Variants in DPYD observed in about 807,000 individuals in gnomAD.
DPYD encodes the protein dihydropyrimidine dehydrogenase, also known as dihydropyrimidine dehydrogenase [NADP(+)].
A neutral mutation model predicts 116.2 loss-of-function variants in DPYD; 109 were observed. The observed-to-expected ratio is 0.94, with a 90% CI of 0.80 to 1.10. DPYD has a LOEUF of 1.10. Ranked by LOEUF, DPYD falls within the 50% of genes least tolerant of loss-of-function variation. The pLI is 0.00. For missense variants in DPYD, 1,302 were observed against 1,254.5 expected (o/e 1.04, Z -0.57); for synonymous variants, 440 against 432.0 (o/e 1.02, Z -0.23).
intron 18 of DPYD, among the ~76,000 whole-genome samples, chr1:97,244,147 G>T (rs574138433): frequency 2.0e-5 from 3 of 151,938 alleles, no homozygotes; most frequent in Admixed American, 2.0e-4. Flanking sequence ...CCTGTAGGTG[G>T]CCACCACAAG....
intron 7 of DPYD, 60 bp from the exon 8 acceptor site, chr1:97,679,242 A>G (rs1660311948): frequency 1.2e-6 from 1 of 866,526 alleles, no homozygotes; most frequent in East Asian, 2.7e-5. Flanking sequence ...AAATCTTAAT[A>G]TTTAACATCA....
chr1:97,730,250 C>T (rs1340506700), intron 4 of DPYD, among the ~76,000 whole-genome samples: 1 of 152,126 alleles, frequency 6.6e-6, no homozygotes, highest in African/African-American at 2.4e-5. Context: ...TAGACAGAGT[C>T]TGGCTCTGTC....
chr1:97,822,222 TTCTC>T (rs150231775), intron 3 of DPYD, among the ~76,000 whole-genome samples: 1,949 of 92,142 alleles, frequency 0.021, 49 homozygotes, highest in African/African-American at 0.06. Flanking sequence ...GCAATTTTGT[TTCTC>T]TCTCTCTCTC....
At chr1:97,673,636 T>C (rs973095277) in intron 8 of DPYD, among the ~76,000 whole-genome samples, 1 of 152,004 alleles carries the variant, frequency 6.6e-6, no homozygotes, top group African/African-American at 2.4e-5. Context: ...AACATGTAAC[T>C]AGTGAATTAT....
chr1:97,228,567 C>A (rs1238402477), intron 19 of DPYD, among the ~76,000 whole-genome samples: 1 of 152,108 alleles, frequency 6.6e-6, no homozygotes, highest in Non-Finnish European at 1.5e-5. Flanking sequence ...TGAGAAAAAT[C>A]AGAATCAAAA....
chr1:97,614,175 C>A (rs1656125651), intron 8 of DPYD, among the ~76,000 whole-genome samples: 1 of 151,688 alleles, frequency 6.6e-6, no homozygotes, highest in African/African-American at 2.4e-5. Flanking sequence ...CAAACAGAAT[C>A]CCTACAAAAA....
intron 20 of DPYD, among the ~76,000 whole-genome samples, chr1:97,157,358 C>T (rs17116506): frequency 0.19 from 29,487 of 152,090 alleles, 3,046 homozygotes; most frequent in Middle Eastern, 0.27. Flanking sequence ...ACCTTTTCTG[C>T]CCATGCACAC....
chr1:97,688,637 A>C (rs564246122), intron 7 of DPYD, among the ~76,000 whole-genome samples: 3 of 152,232 alleles, frequency 2.0e-5, no homozygotes, highest in East Asian at 1.9e-4. Context: ...TAACTCTATT[A>C]TCAAAAATTC....
chr1:97,262,264 G>C (rs7522938), intron 18 of DPYD, among the ~76,000 whole-genome samples: 48,584 of 151,858 alleles, frequency 0.32, 8,216 homozygotes, highest in Non-Finnish European at 0.37. Context: ...GGCATGACCA[G>C]ATAAGCTCCT....
intron 14 of DPYD, among the ~76,000 whole-genome samples, chr1:97,389,486 C>T (rs1466955357): frequency 6.6e-6 from 1 of 151,858 alleles, no homozygotes; most frequent in Non-Finnish European, 1.5e-5. Flanking sequence ...AGATTACAGT[C>T]CCCTTTATAT....
intron 20 of DPYD, among the ~76,000 whole-genome samples, chr1:97,172,535 T>C (rs909444757): frequency 6.6e-6 from 1 of 152,194 alleles, no homozygotes; most frequent in Non-Finnish European, 1.5e-5. Context: ...GCCTTCCATA[T>C]TTTGGTATCA....
At chr1:97,632,293 T>C (rs1327161675) in intron 8 of DPYD, among the ~76,000 whole-genome samples, 1 of 152,118 alleles carries the variant, frequency 6.6e-6, no homozygotes, top group East Asian at 1.9e-4. Context: ...AAGAGGAACA[T>C]TAGCGTTATC....
chr1:97,742,224 TC>T (rs1664306269), intron 3 of DPYD, among the ~76,000 whole-genome samples: 1 of 152,114 alleles, frequency 6.6e-6, no homozygotes, highest in South Asian at 2.1e-4. Flanking sequence ...TCTATACACT[TC>T]CATGTGTAAA....
intron 20 of DPYD, among the ~76,000 whole-genome samples, chr1:97,173,117 C>A (rs1484053206): frequency 1.3e-5 from 2 of 151,950 alleles, no homozygotes; most frequent in South Asian, 4.1e-4. Context: ...TCTTTAACCT[C>A]AGTTTTCACC....
intron 18 of DPYD, among the ~76,000 whole-genome samples, chr1:97,291,806 G>A (rs993639807): frequency 6.6e-6 from 1 of 151,972 alleles, no homozygotes; most frequent in Non-Finnish European, 1.5e-5. Flanking sequence ...ACTGCACATT[G>A]TGCACATGTA....
At chr1:97,114,269 T>C (rs1003727318) in intron 20 of DPYD, among the ~76,000 whole-genome samples, 1 of 152,124 alleles carries the variant, frequency 6.6e-6, no homozygotes, top group South Asian at 2.1e-4. Context: ...GAGACAGGTG[T>C]CTTTATTGTT....
intron 13 of DPYD, among the ~76,000 whole-genome samples, chr1:97,487,654 C>A (rs1678725243): frequency 1.3e-5 from 2 of 152,268 alleles, no homozygotes; most frequent in South Asian, 4.1e-4. Flanking sequence ...GCCTGGGCGA[C>A]AGAGCGCGAC....
intron 2 of DPYD, among the ~76,000 whole-genome samples, chr1:97,860,959 C>G (rs1433304212): frequency 6.6e-6 from 1 of 151,510 alleles, no homozygotes; most frequent in Non-Finnish European, 1.5e-5. Context: ...TAAAATCTAG[C>G]TAAATAAGAT....
intron 10 of DPYD, among the ~76,000 whole-genome samples, chr1:97,591,501 T>C (rs1654518302): frequency 6.6e-6 from 1 of 152,174 alleles, no homozygotes; most frequent in African/African-American, 2.4e-5. Context: ...AATAAATAAA[T>C]TCATACCGCT....
Sources: allele counts gnomAD v4.1 joint callset (sites outside exome capture counted in the v4.1 genomes callset), GRCh38; gene constraint gnomAD v4.1.1; transcripts MANE v1.5; gene names NCBI Gene and HGNC (gene_info 2026-07-23, HGNC 2026-07-21).